The following SRP9 variants were observed in gnomAD, a reference collection of about 807,000 sequenced individuals.
SRP9 encodes the protein signal recognition particle 9 kDa protein.
A neutral mutation model predicts 11.7 loss-of-function variants in SRP9; 2 were observed. That is an observed-to-expected ratio of 0.17 (90% CI 0.07 to 0.54). The LOEUF is 0.54. Ranked by LOEUF, SRP9 falls within the 20% of genes least tolerant of loss-of-function variation. The pLI is 0.94. For synonymous variants in SRP9, 27 were observed against 35.6 expected (o/e 0.76, Z 0.86); for missense variants, 54 against 108.1 (o/e 0.50, Z 2.22).
intron 2 of SRP9, chr1:225,786,737 AG>A (rs1243886435): frequency 3.1e-5 from 35 of 1,123,152 alleles, no homozygotes; most frequent in Middle Eastern, 4.1e-4. Context: ...TCATCTGTAA[AG>A]TATCATAGTG....
intron 1 of SRP9, among the ~76,000 whole-genome samples, chr1:225,780,094 G>A (rs939980514): frequency 2.0e-5 from 3 of 151,682 alleles, no homozygotes; most frequent in Non-Finnish European, 4.4e-5. Flanking sequence ...ACAGTTCGCT[G>A]CACCATTGAA....
chr1:225,781,615 G>A (rs1340433245), intron 1 of SRP9, among the ~76,000 whole-genome samples: 2 of 151,836 alleles, frequency 1.3e-5, no homozygotes, highest in East Asian at 1.9e-4. Context: ...GGCCAGACTG[G>A]TCTCGAACTC....
chr1:225,780,646 G>A (rs1166995868), intron 1 of SRP9, among the ~76,000 whole-genome samples: 2 of 152,148 alleles, frequency 1.3e-5, no homozygotes, highest in African/African-American at 4.8e-5. Context: ...AGATTAAGAT[G>A]AAATTTGGAC....
At chr1:225,783,752 C>T (rs1426286179) in intron 2 of SRP9, among the ~76,000 whole-genome samples, 1 of 152,198 alleles carries the variant, frequency 6.6e-6, no homozygotes, top group East Asian at 1.9e-4. Flanking sequence ...CCCATTCATT[C>T]CTTAACCCTC....
At chr1:225,789,199 A>G in intron 2 of SRP9, 41 bp from the exon 3 acceptor site, 3 of 1,588,274 alleles carry the variant, frequency 1.9e-6, no homozygotes, top group Non-Finnish European at 2.6e-6. Flanking sequence ...GTCAGTATCT[A>G]GTTTTATATA....
At chr1:225,789,056 C>CT (rs1559007029) in intron 2 of SRP9, 184 bp from the exon 3 acceptor site, 5 of 1,550,920 alleles carry the variant, frequency 3.2e-6, no homozygotes, top group East Asian at 2.4e-5. Context: ...AATTACTGTA[C>CT]TTTAAGACAT....
intron 1 of SRP9, among the ~76,000 whole-genome samples, chr1:225,781,383 TC>T (rs1298477607): frequency 6.8e-6 from 1 of 147,938 alleles, no homozygotes; most frequent in Non-Finnish European, 1.5e-5. Context: ...TGGCCTTTTT[TC>T]TTTTCTTTTT....
At chr1:225,789,203 T>C (rs772923137) in intron 2 of SRP9, 37 bp from the exon 3 acceptor site, 9 of 1,593,234 alleles carry the variant, frequency 5.6e-6, no homozygotes, top group Middle Eastern at 1.7e-4. Context: ...GTATCTAGTT[T>C]TATATAGTTA....
chr1:225,783,172 T>G (rs1665832645), intron 1 of SRP9, 128 bp from the exon 2 acceptor site: 3 of 624,732 alleles, frequency 4.8e-6, no homozygotes, highest in Non-Finnish European at 5.4e-6. Context: ...TAGTTTATAG[T>G]AAAAATGCCT....
chr1:225,785,692 T>C (rs1215600232), intron 2 of SRP9, among the ~76,000 whole-genome samples: 1 of 151,140 alleles, frequency 6.6e-6, no homozygotes, highest in African/African-American at 2.4e-5. Context: ...TTTTTTTTTT[T>C]TTTTTTTAAA....
intron 2 of SRP9, chr1:225,788,899 AAT>A: frequency 8.9e-7 from 1 of 1,121,472 alleles, no homozygotes; most frequent in East Asian, 2.6e-5. Flanking sequence ...GTAGGGAGAT[AAT>A]CTAATACCTA....
intron 2 of SRP9, among the ~76,000 whole-genome samples, chr1:225,788,533 A>G (rs548401730): frequency 2.7e-5 from 4 of 149,112 alleles, no homozygotes; most frequent in Non-Finnish European, 5.9e-5. Flanking sequence ...CTCCTGCCTC[A>G]GCCTCCTAAG....
chr1:225,788,951 C>A, intron 2 of SRP9: 4 of 1,492,014 alleles, frequency 2.7e-6, no homozygotes, highest in Non-Finnish European at 3.6e-6. Context: ...GTCTTGAGTT[C>A]TTCTCATCAG....
At chr1:225,786,750 T>C (rs1665924287) in intron 2 of SRP9, 2 of 1,176,226 alleles carry the variant, frequency 1.7e-6, no homozygotes, top group South Asian at 3.0e-5. Flanking sequence ...ATCATAGTGA[T>C]AGTAAAAAAA....
intron 1 of SRP9, among the ~76,000 whole-genome samples, chr1:225,778,335 C>A (rs1665726093): frequency 6.6e-6 from 1 of 152,212 alleles, no homozygotes. Flanking sequence ...CCTGCAGCTT[C>A]CTGTCCTTTG....
Position 225,785,451 on chromosome 1 carries a change from C to G in SRP9, c.141+2083C>G, listed in dbSNP as rs141274305. 2.0e-5 allele frequency among the ~76,000 whole-genome samples: 3 copies of G among 150,866 alleles called. No individual in the cohort carries two copies. In the East Asian group the frequency reaches 5.9e-4, roughly 30 times the overall value. ...AGGCTGGAGTGCAGTGGCGCAATCT[C>G]GGCTCACTGCAAACTGCCTCCTGGG... On this transcript the variant is annotated intron_variant, in intron 2 of 2. Coordinates refer to ENST00000304786, the MANE Select transcript of SRP9 (RefSeq NM_003133.6).
chr1:225,784,797 G>C (rs906768537), intron 2 of SRP9, among the ~76,000 whole-genome samples: 8 of 151,922 alleles, frequency 5.3e-5, no homozygotes, highest in African/African-American at 1.4e-4. Flanking sequence ...AGCAGAGATC[G>C]TGCCACTGCA....
intron 1 of SRP9, among the ~76,000 whole-genome samples, chr1:225,779,593 G>A (rs914426104): frequency 1.1e-4 from 17 of 152,298 alleles, no homozygotes; most frequent in Admixed American, 5.2e-4. Context: ...AGCAAGAAAT[G>A]TTGATAATTA....
Position 225,787,260 on chromosome 1 carries a change from C to T in SRP9, c.142-1980C>T, listed in dbSNP as rs577105440. Reference sequence around the variant, plus strand: ...CTTAAAAATAGGGGAATAGGCCGGGCGCGGTGGCTCGTGCTGGTAATCCCA... The same window carrying T: ...CTTAAAAATAGGGGAATAGGCCGGGTGCGGTGGCTCGTGCTGGTAATCCCA... On this transcript the variant is annotated intron_variant, in intron 2 of 2. Coordinates refer to ENST00000304786, the MANE Select transcript of SRP9 (RefSeq NM_003133.6). Among the ~76,000 whole-genome samples, 244 of 152,170 alleles carry T rather than the reference C, an allele frequency of 1.6e-3. 2 individuals carry two copies. The highest frequency in any genetic ancestry group is 5.3e-3 in the African/African-American group (220 of 41,498).
Sources: gnomAD v4.1 joint callset for allele counts (sites outside exome capture counted in the v4.1 genomes callset) on GRCh38, gnomAD v4.1.1 for gene constraint, MANE v1.5 for transcripts, NCBI Gene and HGNC (gene_info 2026-07-23, HGNC 2026-07-21) for gene names.